The following SGCD variants were observed in gnomAD, a reference collection of about 807,000 sequenced individuals.
SGCD encodes delta-sarcoglycan.
Under a neutral mutation model 36.6 loss-of-function variants are expected in SGCD, and 18 were observed. The observed-to-expected ratio is 0.49, with a 90% CI of 0.34 to 0.73. The LOEUF (loss-of-function observed/expected upper bound fraction) is 0.73. SGCD is among the 30% of genes least tolerant of loss of function. The probability of loss-of-function intolerance (pLI) is 0.01; values close to 1 mark genes in which losing one functional copy is unlikely to be tolerated. For synonymous variants in SGCD, 133 were observed against 130.6 expected, an observed-to-expected ratio of 1.02 and a Z score of -0.12; for missense variants, 387 against 346.7, an observed-to-expected ratio of 1.12 and a Z score of -0.92.
At position 156,743,136 on chromosome 5, in the gene SGCD, A is replaced by C. The variant is rs148941376; in HGVS notation, c.576-14445A>C. On this transcript the variant is annotated intron_variant, in intron 7 of 8. Transcript: ENST00000337851. ...TTTTTTTTTTTTTTTTTTGAGATGA[A>C]GTTTTTGCTCTGGTGCCCAGACTGG... is the stretch of plus-strand genomic sequence containing the variant. Among the ~76,000 whole-genome samples, 763 of 124,094 alleles carry C rather than the reference A, an allele frequency of 6.1e-3. 4 individuals are homozygous for C. The highest frequency in any genetic ancestry group is 0.022 in the African/African-American group (703 of 31,900). 81.4% of individuals were successfully genotyped at this position (124,094 alleles called of 152,430 possible).
chr5:156,531,057 T>C (rs1036948218), intron 4 of SGCD, among the ~76,000 whole-genome samples: 2 of 152,136 alleles, frequency 1.3e-5, no homozygotes, highest in African/African-American at 4.8e-5. Flanking sequence ...GGCGGGGCCT[T>C]TAGGAATTGA....
intron 7 of SGCD, among the ~76,000 whole-genome samples, chr5:156,730,729 G>T (rs1194219886): frequency 6.6e-6 from 1 of 151,958 alleles, no homozygotes; most frequent in African/African-American, 2.4e-5. Context: ...TATTCCTGTG[G>T]GTATATACCC....
At chr5:156,036,240 G>A (rs1216544603) in intron 1 of SGCD, among the ~76,000 whole-genome samples, 1 of 152,156 alleles carries the variant, frequency 6.6e-6, no homozygotes, top group Non-Finnish European at 1.5e-5. Flanking sequence ...GACTTGTACA[G>A]CAGGTGCCAA....
rs578056626 is a variant in SGCD at position 156,160,174 on chromosome 5, A to T, written c.-44+36155A>T. Among the ~76,000 whole-genome samples, 65 of 151,776 alleles carry T rather than the reference A, an allele frequency of 4.3e-4. 5 individuals are homozygous for T. Among genetic ancestry groups the T allele is most frequent in the African/African-American group, 1.6e-3 (65 of 41,118 alleles). ...TAATAATTACATAATAAATAACACT[A>T]TCTCAGAAAAGGAAATATGTCATCA... On this transcript the variant is annotated intron_variant, in intron 3 of 9. Coordinates refer to the SGCD transcript ENST00000517913.
intron 3 of SGCD, among the ~76,000 whole-genome samples, chr5:156,375,741 A>T (rs1770629801): frequency 6.6e-6 from 1 of 152,208 alleles, no homozygotes; most frequent in Non-Finnish European, 1.5e-5. Flanking sequence ...TTATGTATTT[A>T]TGCCATAAGG....
intron 1 of SGCD, among the ~76,000 whole-genome samples, chr5:155,923,534 C>G (rs902561575): frequency 6.6e-6 from 1 of 152,200 alleles, no homozygotes; most frequent in African/African-American, 2.4e-5. Context: ...TAACAGGCTC[C>G]TTGTGAATGG....
At chr5:156,507,733 A>G (rs1204412188) in intron 3 of SGCD, among the ~76,000 whole-genome samples, 4 of 152,204 alleles carry the variant, frequency 2.6e-5, no homozygotes, top group Non-Finnish European at 5.9e-5. Flanking sequence ...CAAATAAAGT[A>G]TATGTGTATA....
At chr5:156,070,400 T>G (rs1312801843) in intron 1 of SGCD, among the ~76,000 whole-genome samples, 1 of 150,954 alleles carries the variant, frequency 6.6e-6, no homozygotes, top group Non-Finnish European at 1.5e-5. Flanking sequence ...ATGTGGTTTT[T>G]GTCTTTGGTT....
chr5:156,713,157 C>T (rs796170301), intron 7 of SGCD, among the ~76,000 whole-genome samples: 8 of 152,218 alleles, frequency 5.3e-5, no homozygotes, highest in African/African-American at 1.9e-4. Flanking sequence ...CCAAAATGTC[C>T]ACTACGACTT....
chr5:156,385,506 TCAA>T (rs973960170), intron 3 of SGCD, among the ~76,000 whole-genome samples: 7 of 152,230 alleles, frequency 4.6e-5, no homozygotes, highest in African/African-American at 1.7e-4. Flanking sequence ...TTGTTTAAAT[TCAA>T]CAATCCTCAC....
At position 156,505,798 on chromosome 5, in the gene SGCD, CA is replaced by C. The variant is rs1446676441; in HGVS notation, c.193-2802del. Among the ~76,000 whole-genome samples, 465 of 152,238 alleles carry C rather than the reference CA, an allele frequency of 3.1e-3. 4 individuals carry two copies. Among genetic ancestry groups the C allele is most frequent in the African/African-American group, 9.8e-3 (407 of 41,526 alleles). On this transcript the variant is annotated intron_variant, in intron 3 of 8. Coordinates refer to ENST00000337851, the MANE Select transcript of SGCD (RefSeq NM_000337.6). ...TACACCAAACACACACACACACACA[CA>C]CACACCCCTACCCCTGGGAGGAGAA...
chr5:156,724,911 GT>G (rs928784179), intron 7 of SGCD, among the ~76,000 whole-genome samples: 5 of 152,046 alleles, frequency 3.3e-5, no homozygotes, highest in Non-Finnish European at 5.9e-5. Context: ...GAATGTGTTT[GT>G]TTTTTTGTAC....
chr5:155,980,145 G>T (rs2127561879), intron 1 of SGCD, among the ~76,000 whole-genome samples: 1 of 152,208 alleles, frequency 6.6e-6, no homozygotes, highest in Non-Finnish European at 1.5e-5. Flanking sequence ...CCCTGATCTT[G>T]GACTTCCAGC....
intron 3 of SGCD, among the ~76,000 whole-genome samples, chr5:156,311,861 A>G (rs1208178495): frequency 6.6e-6 from 1 of 152,218 alleles, no homozygotes; most frequent in Admixed American, 6.5e-5. Context: ...TCTCTGCTCC[A>G]TGTTTGCTGA....
At chr5:156,032,245 C>T (rs1186252234) in intron 1 of SGCD, among the ~76,000 whole-genome samples, 3 of 151,832 alleles carry the variant, frequency 2.0e-5, no homozygotes, top group Non-Finnish European at 2.9e-5. Flanking sequence ...TATGACTATG[C>T]TATAATTTAT....
intron 3 of SGCD, among the ~76,000 whole-genome samples, chr5:156,286,694 G>A (rs76535153): frequency 0.046 from 6,953 of 152,154 alleles, 479 homozygotes; most frequent in African/African-American, 0.15. Context: ...GAGTGGGGAG[G>A]GATAGCATTT....
At chr5:156,334,613 T>TTC (rs1554094046) in intron 2 of SGCD, among the ~76,000 whole-genome samples, 7 of 148,786 alleles carry the variant, frequency 4.7e-5, no homozygotes, top group African/African-American at 1.8e-4. Flanking sequence ...TATTTTCTTT[T>TTC]TTTTTTTTTT....
chr5:156,280,961 A>C (rs1031239391), intron 3 of SGCD, among the ~76,000 whole-genome samples: 3 of 152,224 alleles, frequency 2.0e-5, no homozygotes, highest in Admixed American at 6.5e-5. Context: ...CTGGAATTAA[A>C]GACACAGACT....
At chr5:155,884,467 T>C (rs1755962003) in intron 1 of SGCD, among the ~76,000 whole-genome samples, 1 of 152,214 alleles carries the variant, frequency 6.6e-6, no homozygotes, top group Non-Finnish European at 1.5e-5. Context: ...AACAGTATTG[T>C]ATTTTCACTT....
Sources: gnomAD v4.1 joint callset for allele counts (sites outside exome capture counted in the v4.1 genomes callset) on GRCh38, gnomAD v4.1.1 for gene constraint, MANE v1.5 for transcripts, NCBI Gene and HGNC (gene_info 2026-07-23, HGNC 2026-07-21) for gene names.